Variants in GALNT2 observed in about 807,000 individuals in gnomAD.
GALNT2 encodes the protein polypeptide N-acetylgalactosaminyltransferase 2.
Under a neutral mutation model 81.4 loss-of-function variants are expected in GALNT2, and 31 were observed. The ratio of observed to expected loss-of-function variants is 0.38; its 90% CI spans 0.29 to 0.51. The LOEUF is 0.51. Ranked by LOEUF, GALNT2 falls within the 20% of genes least tolerant of loss-of-function variation. The pLI, the probability that GALNT2 is intolerant of heterozygous loss-of-function variation, is 0.87. For synonymous variants in GALNT2, 303 were observed against 287.4 expected, an observed-to-expected ratio of 1.05 and a Z score of -0.55; for missense variants, 629 against 765.7, an observed-to-expected ratio of 0.82 and a Z score of 2.11.
chr1:230,163,931 G>T (rs2102849835), intron 1 of GALNT2, among the ~76,000 whole-genome samples: 1 of 152,346 alleles, frequency 6.6e-6, no homozygotes, highest in Non-Finnish European at 1.5e-5. Context: ...CTGGCCGGGG[G>T]TGGTGGATGG....
At chr1:230,143,206 C>A (rs1661803647) in intron 1 of GALNT2, among the ~76,000 whole-genome samples, 1 of 152,198 alleles carries the variant, frequency 6.6e-6, no homozygotes, top group South Asian at 2.1e-4. Flanking sequence ...CAGCCCCATT[C>A]CCTGTGAGCA....
chr1:230,254,049 T>C (rs1370804786), intron 10 of GALNT2, among the ~76,000 whole-genome samples: 2 of 152,232 alleles, frequency 1.3e-5, no homozygotes, highest in African/African-American at 4.8e-5. Context: ...TTAGGGATCT[T>C]AGATAATACA....
chr1:230,128,860 G>T (rs10864699), intron 1 of GALNT2, among the ~76,000 whole-genome samples: 1 of 152,080 alleles, frequency 6.6e-6, no homozygotes, highest in Non-Finnish European at 1.5e-5. Flanking sequence ...GGGCACCTGC[G>T]CTTTCTGGTT....
At chr1:230,195,873 G>C (rs1219627339) in intron 2 of GALNT2, among the ~76,000 whole-genome samples, 1 of 152,158 alleles carries the variant, frequency 6.6e-6, no homozygotes, top group Non-Finnish European at 1.5e-5. Flanking sequence ...GGCTGGGCTG[G>C]CTTGGAGGTG....
At chr1:230,080,636 C>G (rs1659698447) in intron 1 of GALNT2, among the ~76,000 whole-genome samples, 1 of 152,144 alleles carries the variant, frequency 6.6e-6, no homozygotes, top group African/African-American at 2.4e-5. Context: ...GGGTGTCTTT[C>G]TGGGGCTGCT....
At chr1:230,063,945 T>C (rs1358255022), upstream of GALNT2, among the ~76,000 whole-genome samples, 3 of 152,218 alleles carry the variant, frequency 2.0e-5, no homozygotes, top group Non-Finnish European at 4.4e-5. Flanking sequence ...GTCATATTGT[T>C]TCCTATTATA....
rs779021579 is a variant in GALNT2 at position 230,070,823 on chromosome 1, C to T, written c.126+3417C>T. On this transcript the variant is annotated intron_variant, in intron 1 of 15. Transcript: ENST00000366672. The surrounding 1 kb of genome is among the most constrained non-coding windows in gnomAD (Gnocchi z 4.7). ...TTCAGAACTAAATTGTAACGGGCTTCAAATGCCAAGCTGAACCATTTGGGA... is the reference window on the plus strand; with the variant it reads ...TTCAGAACTAAATTGTAACGGGCTTTAAATGCCAAGCTGAACCATTTGGGA... Among the ~76,000 whole-genome samples, 5 of 152,200 alleles carry T rather than the reference C, an allele frequency of 3.3e-5. No individual in the cohort carries two copies. The highest frequency in any genetic ancestry group is 5.9e-5 in the Non-Finnish European group (4 of 68,046).
At chr1:230,270,519 T>G (rs1666138085) in intron 14 of GALNT2, among the ~76,000 whole-genome samples, 1 of 152,236 alleles carries the variant, frequency 6.6e-6, no homozygotes, top group South Asian at 2.1e-4. Context: ...TTCATTCTGG[T>G]GAATTTAAAT....
intron 3 of GALNT2, among the ~76,000 whole-genome samples, chr1:230,210,389 G>T (rs1664199050): frequency 6.6e-6 from 1 of 152,108 alleles, no homozygotes; most frequent in African/African-American, 2.4e-5. Flanking sequence ...AGAACTGCTT[G>T]TTAAAGAAAC....
intron 1 of GALNT2, among the ~76,000 whole-genome samples, chr1:230,109,253 G>A (rs960089008): frequency 1.3e-5 from 2 of 152,210 alleles, no homozygotes; most frequent in Non-Finnish European, 2.9e-5. Context: ...TTGCAGGTGA[G>A]CGGGTGCAGG....
intron 1 of GALNT2, among the ~76,000 whole-genome samples, chr1:230,119,602 T>C (rs1367642676): frequency 6.6e-6 from 1 of 152,212 alleles, no homozygotes; most frequent in African/African-American, 2.4e-5. Flanking sequence ...TCTGCGAGTG[T>C]AATTTCTTTG....
At chr1:230,073,861 T>C (rs1427712834) in intron 1 of GALNT2, among the ~76,000 whole-genome samples, 1 of 152,144 alleles carries the variant, frequency 6.6e-6, no homozygotes, top group African/African-American at 2.4e-5. Flanking sequence ...GAGCTCCCCA[T>C]GGAACAGAGA....
chr1:230,135,696 TCTTTCC>T (rs968430753), intron 1 of GALNT2, among the ~76,000 whole-genome samples: 3 of 152,198 alleles, frequency 2.0e-5, no homozygotes, highest in East Asian at 1.9e-4. Flanking sequence ...AGATGAATGC[TCTTTCC>T]CTTTCCCTTT....
intron 3 of GALNT2, among the ~76,000 whole-genome samples, chr1:230,224,238 G>A (rs80205595): frequency 0.022 from 3,336 of 152,330 alleles, 50 homozygotes; most frequent in Non-Finnish European, 0.034. Flanking sequence ...AATGGAATGT[G>A]CAGTGTTCAC....
At chr1:230,125,259 CAG>C (rs1661138700) in intron 1 of GALNT2, among the ~76,000 whole-genome samples, 1 of 152,170 alleles carries the variant, frequency 6.6e-6, no homozygotes, top group South Asian at 2.1e-4. Context: ...TTCCCACAAT[CAG>C]AGTAACAGAG....
In GALNT2 at chr1:230,236,700, A is replaced by T. The variant is rs112475476; in HGVS notation, c.582A>T (p.Arg194=). 1.8e-5 allele frequency: 29 copies of T among 1,613,738 alleles called. No homozygotes were observed. Among genetic ancestry groups the T allele is most frequent in the African/African-American group, 1.5e-4 (11 of 74,972 alleles). The stretch of plus-strand genomic sequence containing the variant: ...TCTTGGGGAAAATTGAGAAAGTGCG[A>T]GTTCTTAGAAATGATCGACGAGAAG... ...GALLGKIEKV[R]VLRNDRREGL... Residue 194 remains arginine, a synonymous_variant, in exon 6 of 16, where the codon CGA becomes CGT. Transcript: ENST00000366672.
At chr1:230,157,314 G>A (rs769612601) in intron 1 of GALNT2, among the ~76,000 whole-genome samples, 4 of 152,122 alleles carry the variant, frequency 2.6e-5, no homozygotes, top group East Asian at 1.9e-4. Flanking sequence ...GTGGCTTTGG[G>A]GGGAAAAAAA....
intron 11 of GALNT2, chr1:230,262,336 T>G: frequency 2.0e-6 from 1 of 488,782 alleles, no homozygotes; most frequent in Non-Finnish European, 3.6e-6. Context: ...TGACCATCTG[T>G]GTGACAAGAA....
intron 2 of GALNT2, among the ~76,000 whole-genome samples, chr1:230,191,058 CCTT>C (rs1263658053): frequency 6.6e-6 from 1 of 152,170 alleles, no homozygotes; most frequent in East Asian, 1.9e-4. Context: ...TCTTCATTGT[CCTT>C]CTCCTGTTCC....
Sources: gnomAD v4.1 joint callset for allele counts (sites outside exome capture counted in the v4.1 genomes callset) on GRCh38, gnomAD v4.1.1 for gene constraint, Gnocchi (gnomAD v3.1) non-coding constraint, MANE v1.5 for transcripts, NCBI Gene and HGNC (gene_info 2026-07-23, HGNC 2026-07-21) for gene names.